The following MTF2 variants were observed in gnomAD, a reference collection of about 807,000 sequenced individuals.
MTF2 encodes the protein metal response element binding transcription factor 2.
A neutral mutation model predicts 79.5 loss-of-function variants in MTF2; 11 were observed. The observed-to-expected ratio is 0.14, with a 90% CI of 0.09 to 0.23. The LOEUF (loss-of-function observed/expected upper bound fraction) is 0.23, where lower values mean the gene tolerates loss of function less well. Ranked by LOEUF, MTF2 falls within the 10% of genes least tolerant of loss-of-function variation. The probability of loss-of-function intolerance (pLI) is 1.00; values close to 1 mark genes in which losing one functional copy is unlikely to be tolerated. For missense variants in MTF2, 486 were observed against 711.2 expected (o/e 0.68, Z 3.60); for synonymous variants, 208 against 232.8 (o/e 0.89, Z 0.97).
At chr1:93,136,614 G>T in intron 14 of MTF2, 56 bp from the exon 15 acceptor site, 1 of 1,339,110 alleles carries the variant, frequency 7.5e-7, no homozygotes, top group South Asian at 1.3e-5. Flanking sequence ...CATATTGTAT[G>T]GGCATAGGAT....
At chr1:93,124,711 AT>A (rs909687989) in intron 9 of MTF2, among the ~76,000 whole-genome samples, 1 of 152,052 alleles carries the variant, frequency 6.6e-6, no homozygotes, top group African/African-American at 2.4e-5. Context: ...TTAGCAACAA[AT>A]TACCTAAGTT....
At chr1:93,095,130 A>G (rs1655235986) in intron 1 of MTF2, among the ~76,000 whole-genome samples, 1 of 152,094 alleles carries the variant, frequency 6.6e-6, no homozygotes, top group East Asian at 1.9e-4. Context: ...CCTGGGCTCA[A>G]GTGATCCTCC....
At chr1:93,109,862 G>T (rs1240172286) in intron 1 of MTF2, among the ~76,000 whole-genome samples, 1 of 152,248 alleles carries the variant, frequency 6.6e-6, no homozygotes, top group South Asian at 2.1e-4. Context: ...AGATTAAAAT[G>T]TAATTCACTT....
rs372664510 is a variant in MTF2, at chr1:93,096,692, C to A, written c.6-13538C>A. On this transcript the variant is annotated intron_variant, in intron 1 of 14. Coordinates refer to ENST00000370298, the MANE Select transcript of MTF2 (RefSeq NM_007358.4). ...TCTCCAACTACTGCTTTAGCTGCAT[C>A]CCACAAGTTTTTAATATGTGCTTTT... is the stretch of plus-strand genomic sequence containing the variant. 2.2e-4 allele frequency among the ~76,000 whole-genome samples: 34 copies of A among 151,904 alleles called. No individual in the cohort carries two copies. The South Asian group carries it at 6.6e-3, about 30-fold the overall frequency.
Position 93,110,551 on chromosome 1 carries a change from A to T in MTF2, c.211A>T (p.Ile71Leu). The change falls in exon 3 of 15, where the codon ATA (isoleucine) becomes TTA (leucine). Residue 71 changes from isoleucine (I) to leucine (L), a missense_variant. Transcript: ENST00000370298. ...FYLGTIKKIN[I>L]LKQSCFIIFE... ...GTATTTCTCTGTATTGCAGATAAAC[A>T]TATTGAAACAGAGCTGCTTCATCAT... The T allele has an allele frequency of 1.2e-6, 2 of 1,612,942 alleles. No homozygotes were observed. Among genetic ancestry groups the T allele is most frequent in the Non-Finnish European group, 1.7e-6 (2 of 1,179,162 alleles).
intron 1 of MTF2, among the ~76,000 whole-genome samples, chr1:93,101,958 A>G (rs1655565704): frequency 6.6e-6 from 1 of 152,078 alleles, no homozygotes. Flanking sequence ...TACCTTGTTA[A>G]ACTGAAACTA....
chr1:93,115,651 G>A (rs760849040), intron 6 of MTF2, 33 bp downstream of exon 6: 5 of 1,460,444 alleles, frequency 3.4e-6, no homozygotes, highest in Non-Finnish European at 4.6e-6. Context: ...TTCCCTTTAA[G>A]TAATTTTTAT....
chr1:93,125,112 G>T (rs1396695775), intron 9 of MTF2, among the ~76,000 whole-genome samples: 1 of 151,878 alleles, frequency 6.6e-6, no homozygotes, highest in Admixed American at 6.6e-5. Context: ...CATTGCGATC[G>T]TCAGAAAGTA....
chr1:93,086,145 C>T (rs1199031361), intron 1 of MTF2, among the ~76,000 whole-genome samples: 8 of 152,098 alleles, frequency 5.3e-5, no homozygotes, highest in African/African-American at 1.7e-4. Flanking sequence ...TGTAATCTGT[C>T]GTTGACCAAA....
intron 10 of MTF2, 61 bp from the exon 11 acceptor site, chr1:93,129,216 AG>A (rs1656823878): frequency 8.6e-7 from 1 of 1,168,898 alleles, no homozygotes; most frequent in African/African-American, 1.6e-5. Context: ...AAGTTAAGTT[AG>A]GGTCTACTAT....
rs1307205499 is a variant in MTF2 at position 93,114,750 on chromosome 1, A to G, written c.349A>G (p.Asn117Asp). Residue 117 changes from asparagine (N) to aspartate (D), a missense_variant, in exon 4 of 15, where the codon AAT becomes GAT. Coordinates refer to ENST00000370298, the MANE Select transcript of MTF2 (RefSeq NM_007358.4). ...TCAAGAAGAGTATTCAGAAGCTCCCAATGAAATGGTTATATGTGACAAGTG... is the reference window on the plus strand; with the variant it reads ...TCAAGAAGAGTATTCAGAAGCTCCCGATGAAATGGTTATATGTGACAAGTG... ...ICQEEYSEAP[N>D]EMVICDKCGQ... 6 of 1,613,012 alleles carry G rather than the reference A, an allele frequency of 3.7e-6. No individual in the cohort carries two copies. The highest frequency in any genetic ancestry group is 5.1e-6 in the Non-Finnish European group (6 of 1,179,510).
chr1:93,129,690 A>G (rs2101090574), intron 11 of MTF2, among the ~76,000 whole-genome samples: 1 of 152,074 alleles, frequency 6.6e-6, no homozygotes, highest in South Asian at 2.1e-4. Flanking sequence ...TTGTTAGCAA[A>G]CAGCTTAAGA....
intron 1 of MTF2, among the ~76,000 whole-genome samples, chr1:93,102,986 G>T (rs1655610103): frequency 6.6e-6 from 1 of 151,980 alleles, no homozygotes; most frequent in African/African-American, 2.4e-5. Flanking sequence ...AAAAAAATTA[G>T]CCGGGCATGG....
intron 3 of MTF2, among the ~76,000 whole-genome samples, chr1:93,114,402 T>C (rs1462320923): frequency 6.6e-6 from 1 of 152,202 alleles, no homozygotes; most frequent in Non-Finnish European, 1.5e-5. Flanking sequence ...CCTTCACCTT[T>C]AAGAGTGGGA....
At chr1:93,108,286 A>G (rs919369706) in intron 1 of MTF2, among the ~76,000 whole-genome samples, 5 of 148,974 alleles carry the variant, frequency 3.4e-5, no homozygotes, top group Admixed American at 6.8e-5. Flanking sequence ...GTGTGTGTGT[A>G]TGTGTATGTA....
intron 11 of MTF2, 110 bp downstream of exon 11, chr1:93,129,558 AT>A (rs200494793): frequency 0.23 from 100,370 of 444,128 alleles, 1,427 homozygotes; most frequent in African/African-American, 0.28. Flanking sequence ...AGTTACTCTG[AT>A]TTTTTTTTTT....
intron 1 of MTF2, among the ~76,000 whole-genome samples, chr1:93,101,533 TGTAG>T (rs1449800242): frequency 6.8e-6 from 1 of 147,160 alleles, no homozygotes. Context: ...AAAAATTTTC[TGTAG>T]GAATGTGGTC....
intron 3 of MTF2, among the ~76,000 whole-genome samples, chr1:93,114,307 T>C (rs1435568190): frequency 6.6e-6 from 1 of 152,218 alleles, no homozygotes; most frequent in Admixed American, 6.5e-5. Flanking sequence ...AGTGAATGTA[T>C]GTACATGAAT....
intron 6 of MTF2, among the ~76,000 whole-genome samples, chr1:93,116,338 C>T (rs1656247908): frequency 6.6e-6 from 1 of 151,090 alleles, no homozygotes; most frequent in Non-Finnish European, 1.5e-5. Flanking sequence ...TTTTTATTTT[C>T]TTCCAGAACT....
Sources: gnomAD v4.1 joint callset for allele counts (sites outside exome capture counted in the v4.1 genomes callset) on GRCh38, gnomAD v4.1.1 for gene constraint, MANE v1.5 for transcripts, NCBI Gene and HGNC (gene_info 2026-07-23, HGNC 2026-07-21) for gene names.